VPS37D: variants seen among roughly 807,000 people sequenced by gnomAD.
VPS37D encodes VPS37D subunit of ESCRT-I, also known as vacuolar protein sorting-associated protein 37D.
Under a neutral mutation model 22.0 loss-of-function variants are expected in VPS37D, and 5 were observed. That is an observed-to-expected ratio of 0.23 (90% CI 0.12 to 0.48). The LOEUF (loss-of-function observed/expected upper bound fraction) is 0.48. Among genes scored for constraint, VPS37D ranks in the 20% least tolerant of loss-of-function variants. The pLI is 0.99. For synonymous variants in VPS37D, 174 were observed against 159.3 expected, an observed-to-expected ratio of 1.09 and a Z score of -0.69; for missense variants, 384 against 345.8, an observed-to-expected ratio of 1.11 and a Z score of -0.88.
At chr7:73,670,919 C>A in intron 3 of VPS37D, 95 bp from the exon 4 acceptor site, 1 of 1,502,416 alleles carries the variant, frequency 6.7e-7, no homozygotes, top group South Asian at 1.3e-5. Flanking sequence ...GAGGGGTGAT[C>A]ACCATGGGGA....
At chr7:73,670,904 C>A in intron 3 of VPS37D, 110 bp from the exon 4 acceptor site, 1 of 1,451,742 alleles carries the variant, frequency 6.9e-7, no homozygotes, top group Non-Finnish European at 9.1e-7. Context: ...CCCTGTCCCC[C>A]AGCTGAGGGG....
At position 73,671,389 on chromosome 7, in the gene VPS37D, G is replaced by A. The variant is rs1245213353; in HGVS notation, c.*13G>A. 1.1e-5 allele frequency: 15 copies of A among 1,361,186 alleles called. No individual in the cohort carries two copies. The highest frequency in any genetic ancestry group is 9.3e-5 in the African/African-American group (6 of 64,722). 84.3% of individuals were successfully genotyped at this position (1,361,186 alleles called of 1,614,324 possible). A position where few individuals can be genotyped will look rare whatever the true frequency, so the allele number is the denominator to read the frequency against. ...CCCCCACCGGTAGGATCCACGGTGCGGCCCCCCAGTTGGGGGGCCTAGACA... is the reference window on the plus strand; with the variant it reads ...CCCCCACCGGTAGGATCCACGGTGCAGCCCCCCAGTTGGGGGGCCTAGACA... On this transcript the variant is annotated 3_prime_UTR_variant, in exon 4 of 4. Transcript: ENST00000324941.
chr7:73,671,239 C>G lies in VPS37D; in HGVS notation c.619C>G (p.Pro207Ala). 6.5e-7 allele frequency: 1 copy of G among 1,544,680 alleles called. No individual in the cohort carries two copies. Among genetic ancestry groups the G allele is most frequent in the African/African-American group, 1.4e-5 (1 of 72,990 alleles). Residue 207 changes from proline to alanine, a missense_variant, in exon 4 of 4, where the codon CCA becomes GCA. Pro to Ala is a conservative substitution (Grantham distance 27). Transcript: ENST00000324941. The stretch of plus-strand genomic sequence containing the variant: ...CCTGCCCACTGGGGCCGCCCGGGGG[C>G]CACCAGCAGTGCCCCGGAGCCTGCC... Reference protein sequence around the residue: ...AVLPTGAARGPPAVPRSLPPL... With the variant: ...AVLPTGAARGAPAVPRSLPPL...
At chr7:73,665,719 A>G (rs1554608511), upstream of VPS37D, among the ~76,000 whole-genome samples, 1 of 152,054 alleles carries the variant, frequency 6.6e-6, no homozygotes, top group East Asian at 1.9e-4. Flanking sequence ...GTTTGCTTTC[A>G]TCATTTTCTC....
Position 73,667,893 on chromosome 7 carries a change from G to GGAGCCGAGCC in VPS37D, c.-60_-59insAGCCGAGCCG, listed in dbSNP as rs542721670. On this transcript the variant is annotated 5_prime_UTR_variant, in exon 1 of 4. Transcript: ENST00000324941. The stretch of plus-strand genomic sequence containing the variant: ...GAGCCGGAGCGGAGCGGAGCGGAGC[G>GGAGCCGAGCC]GAGCCGGGGCGGAGCGGGCCGAGCG... 1 of 553,696 alleles carries GGAGCCGAGCC rather than the reference G, an allele frequency of 1.8e-6. No homozygotes were observed. The highest frequency in any genetic ancestry group is 6.1e-5 in the Admixed American group (1 of 16,384). 34.3% of individuals were successfully genotyped at this position (553,696 alleles called of 1,614,324 possible).
At chr7:73,669,157 TCAA>T (rs1332060530) in intron 1 of VPS37D, among the ~76,000 whole-genome samples, 1 of 149,570 alleles carries the variant, frequency 6.7e-6, no homozygotes, top group Non-Finnish European at 1.5e-5. Context: ...CTTAAGTCTC[TCAA>T]CAACCCCATA....
rs782529489 is a variant in VPS37D, at chr7:73,671,150, G to T, written c.530G>T (p.Arg177Leu). ...KLQELLRRRE[R>L]SAQPAPTSAA... is the part of the protein sequence containing the mutation. ...CAGGAGCTGCTGCGGCGTCGGGAGC[G>T]TTCTGCCCAGCCGGCCCCCACCTCG... Residue 177 changes from arginine (R) to leucine (L), a missense_variant, in exon 4 of 4, where the codon CGT becomes CTT. By Grantham distance (102) the Arg-to-Leu change is moderately radical. Transcript: ENST00000324941. 2 of 1,606,362 alleles carry T rather than the reference G, an allele frequency of 1.2e-6. No individual in the cohort carries two copies. Among genetic ancestry groups the T allele is most frequent in the East Asian group, 2.2e-5 (1 of 44,782 alleles).
upstream of VPS37D, among the ~76,000 whole-genome samples, chr7:73,666,776 A>G (rs1222831372): frequency 6.6e-6 from 1 of 151,916 alleles, no homozygotes; most frequent in Admixed American, 6.6e-5. Context: ...ATTGCTAGCC[A>G]TATCACTATC....
chr7:73,665,474 C>T (rs1797355443), upstream of VPS37D, among the ~76,000 whole-genome samples: 1 of 151,974 alleles, frequency 6.6e-6, no homozygotes, highest in African/African-American at 2.4e-5. Context: ...AGAGGGCTTC[C>T]TGGAGGTGGT....
At chr7:73,668,220 T>A in intron 1 of VPS37D, 124 bp downstream of exon 1, 1 of 503,658 alleles carries the variant, frequency 2.0e-6, no homozygotes, top group African/African-American at 2.1e-5. Context: ...GCCTGGCACG[T>A]ACGAGTGGGC....
chr7:73,667,445 C>G (rs755060431), upstream of VPS37D, among the ~76,000 whole-genome samples: 76 of 152,248 alleles, frequency 5.0e-4, 1 homozygote, highest in Non-Finnish European at 7.8e-4. Context: ...AGTCAGCGCT[C>G]ACCATCTCCA....
chr7:73,667,483 G>C (rs1563538261), upstream of VPS37D, among the ~76,000 whole-genome samples: 1 of 151,924 alleles, frequency 6.6e-6, no homozygotes, highest in Non-Finnish European at 1.5e-5. Context: ...AGAAAACTGA[G>C]GCTTGGGGAG....
upstream of VPS37D, among the ~76,000 whole-genome samples, chr7:73,667,308 T>A (rs1987329): frequency 0.039 from 5,881 of 152,040 alleles, 113 homozygotes; most frequent in African/African-American, 0.052. Flanking sequence ...TAAATTTTTT[T>A]AAATAGAGAC....
upstream of VPS37D, among the ~76,000 whole-genome samples, chr7:73,666,403 G>A (rs1174098312): frequency 6.6e-6 from 1 of 152,050 alleles, no homozygotes; most frequent in African/African-American, 2.4e-5. Context: ...TGACTTTGGG[G>A]AGGCGACATC....
chr7:73,670,995 C>A lies in VPS37D; in HGVS notation c.394-19C>A. Reference sequence around the variant, plus strand: ...TGTGGTCGTGCCTCTCCCAAGCCTTCCCTTCCCTCCCGGCCCAGGAGCAGA... The same window carrying A: ...TGTGGTCGTGCCTCTCCCAAGCCTTACCTTCCCTCCCGGCCCAGGAGCAGA... On this transcript the variant is annotated intron_variant, in intron 3 of 3. Coordinates refer to ENST00000324941, the MANE Select transcript of VPS37D (RefSeq NM_001077621.2). 1 of 1,609,296 alleles carries A rather than the reference C, an allele frequency of 6.2e-7. No homozygotes were observed.
intron 3 of VPS37D, 114 bp downstream of exon 3, chr7:73,670,216 T>G: frequency 6.7e-7 from 1 of 1,492,226 alleles, no homozygotes; most frequent in Non-Finnish European, 9.0e-7. Context: ...AAGTCCACCC[T>G]GAATGCCTGG....
rs1325291708 is a variant in VPS37D at position 73,670,150 on chromosome 7, C to A, written c.393+48C>A. The A allele has an allele frequency of 3.9e-6, 6 of 1,549,002 alleles. No individual in the cohort carries two copies. The East Asian group carries it at 9.8e-5, about 25-fold the overall frequency. On this transcript the variant is annotated intron_variant, in intron 3 of 3. Coordinates refer to ENST00000324941, the MANE Select transcript of VPS37D (RefSeq NM_001077621.2). ...CTGGGGGCCAGGAGGGAGACCCATT[C>A]TCTGCCACCCCCTGGCTCATTCTTA...
chr7:73,668,092 G>A lies in VPS37D; in HGVS notation c.134G>A (p.Arg45Lys). 1.8e-6 allele frequency: 2 copies of A among 1,112,162 alleles called. No individual in the cohort carries two copies. Among genetic ancestry groups the A allele is most frequent in the East Asian group, 5.5e-5 (1 of 18,304 alleles). The allele number at this position is 1,112,162 out of a possible 1,614,324, so 68.9% of individuals were successfully genotyped here. ...CTGGACCGGATCGTGCGGCTCAGCAGGAAGGTAGCGCGGGGGGCTCGAGCG... is the reference window on the plus strand; with the variant it reads ...CTGGACCGGATCGTGCGGCTCAGCAAGAAGGTAGCGCGGGGGGCTCGAGCG... ...PKLDRIVRLS[R>K]KFQGLQLERE... Residue 45 changes from arginine to lysine, a missense_variant, in exon 1 of 4, where the codon AGG becomes AAG. Arg to Lys is a conservative substitution (Grantham distance 26). Coordinates refer to ENST00000324941, the MANE Select transcript of VPS37D (RefSeq NM_001077621.2).
In VPS37D at chr7:73,667,850, GA is replaced by G; in HGVS notation, c.-108del. 3.5e-6 allele frequency: 1 copy of G among 286,194 alleles called. No individual in the cohort carries two copies. Among genetic ancestry groups the G allele is most frequent in the Non-Finnish European group, 5.3e-6 (1 of 188,152 alleles). The allele number at this position is 286,194 out of a possible 1,614,324, so 17.7% of individuals were successfully genotyped here. ...GGCGGCGGAGCGGTGCGTGCGGCCGGAGCCGGAGCGGATCCTGGAGCCGGAG... is the reference window on the plus strand; with the variant it reads ...GGCGGCGGAGCGGTGCGTGCGGCCGGGCCGGAGCGGATCCTGGAGCCGGAG... On this transcript the variant is annotated 5_prime_UTR_variant, in exon 1 of 4. Transcript: ENST00000324941.
Sources: allele counts gnomAD v4.1 joint callset (sites outside exome capture counted in the v4.1 genomes callset), GRCh38; gene constraint gnomAD v4.1.1; transcripts MANE v1.5; gene names NCBI Gene and HGNC (gene_info 2026-07-23, HGNC 2026-07-21).